CEP126: variants seen among roughly 807,000 people sequenced by gnomAD.
CEP126 encodes the protein centrosomal protein of 126 kDa.
CEP126 carries 74 observed loss-of-function variants against 107.8 expected under a neutral mutation model. The ratio of observed to expected loss-of-function variants is 0.69; its 90% CI spans 0.57 to 0.83. The LOEUF (loss-of-function observed/expected upper bound fraction) is 0.83, where lower values mean the gene tolerates loss of function less well. Ranked by LOEUF, CEP126 falls within the 40% of genes least tolerant of loss-of-function variation. The probability of loss-of-function intolerance (pLI) is 0.00; values close to 1 mark genes in which losing one functional copy is unlikely to be tolerated. For synonymous variants in CEP126, 449 were observed against 446.0 expected, an observed-to-expected ratio of 1.01 and a Z score of -0.08; for missense variants, 1,237 against 1,281.9, an observed-to-expected ratio of 0.96 and a Z score of 0.53.
rs5794147 is a variant in CEP126, at chr11:101,922,164, A to ATT, written c.129-461_129-460dup. Among the ~76,000 whole-genome samples the ATT allele has an allele frequency of 1.1e-3, 141 of 132,044 alleles. 3 individuals are homozygous for ATT. The highest frequency in any genetic ancestry group is 4.1e-3 in the East Asian group (18 of 4,414). 86.6% of individuals were successfully genotyped at this position (132,044 alleles called of 152,430 possible). A position where few individuals can be genotyped will look rare whatever the true frequency, so the allele number is the denominator to read the frequency against. On this transcript the variant is annotated intron_variant, in intron 1 of 10. Transcript: ENST00000263468. ...TCTTACTTTCTAATACCAAGTCAGA[A>ATT]TTTTTTTTTTTTTTTTTGAGATGGA...
intron 2 of CEP126, among the ~76,000 whole-genome samples, chr11:101,932,326 AT>A (rs1940512715): frequency 6.6e-6 from 1 of 152,162 alleles, no homozygotes; most frequent in Non-Finnish European, 1.5e-5. Flanking sequence ...TCCATCCCTG[AT>A]TTAGTGTGGC....
At chr11:101,968,631 A>G (rs1024864120) in intron 6 of CEP126, among the ~76,000 whole-genome samples, 2 of 152,344 alleles carry the variant, frequency 1.3e-5, no homozygotes, top group East Asian at 3.9e-4. Flanking sequence ...ATATGAGCCC[A>G]TATCTAGAGG....
chr11:101,919,365 G>A (rs780706903), intron 1 of CEP126, among the ~76,000 whole-genome samples: 29 of 152,146 alleles, frequency 1.9e-4, no homozygotes, highest in Non-Finnish European at 5.9e-5. Context: ...GTTGGGAGAG[G>A]AGAAGTGAGG....
chr11:101,932,181 A>G (rs1940510306), intron 2 of CEP126, among the ~76,000 whole-genome samples: 1 of 152,212 alleles, frequency 6.6e-6, no homozygotes, highest in African/African-American at 2.4e-5. Flanking sequence ...ACAGAATAAT[A>G]TAAAAGGAAC....
chr11:101,945,004 G>A (rs1246381903), intron 3 of CEP126, among the ~76,000 whole-genome samples: 1 of 152,180 alleles, frequency 6.6e-6, no homozygotes, highest in African/African-American at 2.4e-5. Flanking sequence ...ATGGTGTACT[G>A]TGTTGTACTT....
At chr11:101,915,496 GAC>G (rs1940189716) in intron 1 of CEP126, 84 bp downstream of exon 1, 9 of 1,500,990 alleles carry the variant, frequency 6.0e-6, no homozygotes, top group Non-Finnish European at 8.1e-6. Flanking sequence ...CATTACCTTT[GAC>G]GCAGGGTGAT....
chr11:101,917,674 A>G (rs982763993), intron 1 of CEP126, among the ~76,000 whole-genome samples: 1 of 148,774 alleles, frequency 6.7e-6, no homozygotes, highest in African/African-American at 2.5e-5. Context: ...AAATATCTCT[A>G]CCCTTCAACC....
chr11:101,929,776 G>A (rs1352308149), intron 2 of CEP126, among the ~76,000 whole-genome samples: 2 of 152,242 alleles, frequency 1.3e-5, no homozygotes, highest in South Asian at 2.1e-4. Context: ...CTACAGGAGG[G>A]TTGAGGGCAC....
rs184256259 is a variant in CEP126 at position 101,948,893 on chromosome 11, T to C, written c.506+751T>C. ...ATAAATACGTCCACAATTCAGACAA[T>C]AAATTATGTTAATATTTTACCTGTG... is the stretch of plus-strand genomic sequence containing the variant. On this transcript the variant is annotated intron_variant, in intron 4 of 10. Coordinates refer to ENST00000263468, the MANE Select transcript of CEP126 (RefSeq NM_020802.4). Among the ~76,000 whole-genome samples, 3 of 152,272 alleles carry C rather than the reference T, an allele frequency of 2.0e-5. No individual in the cohort carries two copies. The East Asian group carries it at 5.8e-4, about 29-fold the overall frequency.
intron 6 of CEP126, among the ~76,000 whole-genome samples, chr11:101,970,605 G>T (rs1383492699): frequency 2.6e-5 from 4 of 151,464 alleles, no homozygotes; most frequent in Non-Finnish European, 2.9e-5. Flanking sequence ...ATTTCAAAAA[G>T]AATATTTTTT....
chr11:101,946,440 G>A lies in CEP126; in HGVS notation c.395-1591G>A, dbSNP rs571661368. Among the ~76,000 whole-genome samples the A allele has an allele frequency of 9.8e-4, 149 of 152,194 alleles. 1 individual carries two copies. Among genetic ancestry groups the A allele is most frequent in the Middle Eastern group, 3.4e-3 (1 of 294 alleles). ...GGAGGGTTGCTTGAGCCAAGGAAGCGGAGGTTGCAGTGAGCCAAGATCACA... is the reference window on the plus strand; with the variant it reads ...GGAGGGTTGCTTGAGCCAAGGAAGCAGAGGTTGCAGTGAGCCAAGATCACA... On this transcript the variant is annotated intron_variant, in intron 3 of 10. Coordinates refer to ENST00000263468, the MANE Select transcript of CEP126 (RefSeq NM_020802.4).
chr11:101,935,983 A>C (rs1366707639), intron 2 of CEP126, among the ~76,000 whole-genome samples: 3 of 152,152 alleles, frequency 2.0e-5, no homozygotes, highest in Non-Finnish European at 4.4e-5. Flanking sequence ...GATAGTGTGT[A>C]GCCTCTGATT....
intron 6 of CEP126, among the ~76,000 whole-genome samples, chr11:101,968,408 G>A (rs534172981): frequency 5.3e-5 from 8 of 152,080 alleles, no homozygotes; most frequent in Non-Finnish European, 1.0e-4. Flanking sequence ...GATGCTTGGA[G>A]GTGGATGAAG....
chr11:101,944,177 A>G (rs915130578), intron 2 of CEP126, 88 bp from the exon 3 acceptor site: 19 of 1,198,122 alleles, frequency 1.6e-5, no homozygotes, highest in Non-Finnish European at 2.0e-5. Context: ...AAATATGAAA[A>G]CATTGTTATA....
At chr11:101,967,601 C>A (rs1264668718) in intron 6 of CEP126, among the ~76,000 whole-genome samples, 1 of 152,078 alleles carries the variant, frequency 6.6e-6, no homozygotes, top group Non-Finnish European at 1.5e-5. Flanking sequence ...TTCAAACATC[C>A]TCCCCAAATA....
chr11:101,989,430 C>G (rs1162195556), intron 9 of CEP126, among the ~76,000 whole-genome samples: 1 of 152,048 alleles, frequency 6.6e-6, no homozygotes, highest in South Asian at 2.1e-4. Context: ...GAAGTGCTCC[C>G]AGACATTACC....
At chr11:101,964,455 G>A (rs1166353779) in intron 6 of CEP126, among the ~76,000 whole-genome samples, 2 of 151,760 alleles carry the variant, frequency 1.3e-5, no homozygotes, top group African/African-American at 2.4e-5. Flanking sequence ...CCAACGTGAC[G>A]AAACCCTGTC....
chr11:101,915,477 T>A, intron 1 of CEP126, 65 bp downstream of exon 1: 2 of 1,555,952 alleles, frequency 1.3e-6, no homozygotes, highest in Non-Finnish European at 1.7e-6. Context: ...CTTTTTCCAA[T>A]TAGATTCCCA....
intron 9 of CEP126, among the ~76,000 whole-genome samples, chr11:101,992,263 T>C (rs1476770803): frequency 2.0e-5 from 3 of 152,128 alleles, no homozygotes; most frequent in Non-Finnish European, 4.4e-5. Flanking sequence ...TTGAAGAATT[T>C]TTTAAATTTT....
Sources: allele counts gnomAD v4.1 joint callset (sites outside exome capture counted in the v4.1 genomes callset), GRCh38; gene constraint gnomAD v4.1.1; transcripts MANE v1.5; gene names NCBI Gene and HGNC (gene_info 2026-07-23, HGNC 2026-07-21).